The following NFATC2IP variants were observed in gnomAD, a reference collection of about 807,000 sequenced individuals.
NFATC2IP encodes the protein NFATC2-interacting protein.
In NFATC2IP, 25 loss-of-function variants were observed where a neutral mutation model predicts 40.2. That is an observed-to-expected ratio of 0.62 (90% CI 0.45 to 0.87). The LOEUF (loss-of-function observed/expected upper bound fraction) is 0.87. NFATC2IP is among the 40% of genes least tolerant of loss of function. The pLI, the probability that NFATC2IP is intolerant of heterozygous loss-of-function variation, is 0.00. For synonymous variants in NFATC2IP, 241 were observed against 236.3 expected (o/e 1.02, Z -0.18); for missense variants, 553 against 555.6 (o/e 1.00, Z 0.05).
rs765524608 is a variant in NFATC2IP at position 28,963,722 on chromosome 16, C to T, written c.1119C>T (p.Thr373=). The T allele has an allele frequency of 3.7e-6, 6 of 1,614,084 alleles. No individual in the cohort carries two copies. The highest frequency in any genetic ancestry group is 5.1e-6 in the Non-Finnish European group (6 of 1,179,934). The change falls in exon 8 of 8, where the codon ACC becomes ACT. Residue 373 remains threonine, a synonymous_variant. Transcript: ENST00000320805. The part of the protein sequence containing the change: ...VSLSRDSPLK[T]LMSHYEEAMG... ...CCATCCAGGATTCCCCTCTAAAGACCCTCATGTCCCACTATGAGGAGGCCA... is the reference window on the plus strand; with the variant it reads ...CCATCCAGGATTCCCCTCTAAAGACTCTCATGTCCCACTATGAGGAGGCCA...
intron 2 of NFATC2IP, among the ~76,000 whole-genome samples, chr16:28,952,813 GCTCGCTGCAAC>G (rs1336485926): frequency 1.3e-5 from 2 of 151,460 alleles, no homozygotes; most frequent in African/African-American, 4.9e-5. Flanking sequence ...CACGATCTCG[GCTCGCTGCAAC>G]CTCCACCTCC....
chr16:28,963,887 C>T lies in NFATC2IP; in HGVS notation c.*24C>T. On this transcript the variant is annotated 3_prime_UTR_variant, in exon 8 of 8. Coordinates refer to ENST00000320805, the MANE Select transcript of NFATC2IP (RefSeq NM_032815.4). ...GACACCCCACTCCCTGTTTGACGGC[C>T]CAGCCTGGACTTGGGGAGAATGACT... The T allele has an allele frequency of 1.9e-6, 3 of 1,611,582 alleles. No homozygotes were observed. Among genetic ancestry groups the T allele is most frequent in the Non-Finnish European group, 2.5e-6 (3 of 1,177,970 alleles).
At chr16:28,952,314 G>A (rs1482368004) in intron 2 of NFATC2IP, 110 bp downstream of exon 2, 3 of 1,522,742 alleles carry the variant, frequency 2.0e-6, no homozygotes, top group East Asian at 2.3e-5. Context: ...AGGGAAGAGC[G>A]TGGGAGAGGG....
chr16:28,963,240 G>A (rs1181754482), intron 7 of NFATC2IP, among the ~76,000 whole-genome samples: 1 of 152,166 alleles, frequency 6.6e-6, no homozygotes, highest in African/African-American at 2.4e-5. Flanking sequence ...ACTTAACAGG[G>A]GTTAAGACCA....
At position 28,966,575 on chromosome 16, in the gene NFATC2IP, C is replaced by T. The variant is rs1443747869; in HGVS notation, c.*2712C>T. On this transcript the variant is annotated 3_prime_UTR_variant, in exon 8 of 8. Transcript: ENST00000320805. ...GGAATTCAAGACTGAAACCTTGTCT[C>T]TACTGAAAATACAAAAAAAAAAAAA... is the stretch of plus-strand genomic sequence containing the variant. 3.2e-5 allele frequency: 4 copies of T among 123,952 alleles called. No homozygotes were observed. Among genetic ancestry groups the T allele is most frequent in the Admixed American group, 9.5e-5 (1 of 10,566 alleles). The allele number at this position is 123,952 out of a possible 1,614,324, so 7.7% of individuals were successfully genotyped here.
At chr16:28,951,475 G>C in intron 1 of NFATC2IP, 77 bp downstream of exon 1, 1 of 1,331,592 alleles carries the variant, frequency 7.5e-7, no homozygotes, top group Non-Finnish European at 9.6e-7. Flanking sequence ...CGTTCGGGGA[G>C]GGTAGGGCTA....
rs1342136432 is a variant in NFATC2IP, at chr16:28,965,716, A to G, written c.*1853A>G. On this transcript the variant is annotated 3_prime_UTR_variant, in exon 8 of 8. Coordinates refer to ENST00000320805, the MANE Select transcript of NFATC2IP (RefSeq NM_032815.4). Reference sequence around the variant, plus strand: ...AAAAAAAAGATTTAAAGGGGAAAAAATTGAAATTTTCTTTGTATCTAGGGG... The same window carrying G: ...AAAAAAAAGATTTAAAGGGGAAAAAGTTGAAATTTTCTTTGTATCTAGGGG... The G allele has an allele frequency of 6.6e-6, 1 of 152,062 alleles. No homozygotes were observed. The highest frequency in any genetic ancestry group is 1.5e-5 in the Non-Finnish European group (1 of 68,036). 9.4% of individuals were successfully genotyped at this position (152,062 alleles called of 1,614,324 possible).
intron 5 of NFATC2IP, chr16:28,956,921 C>G (rs1299414017): frequency 6.5e-6 from 1 of 152,684 alleles, no homozygotes; most frequent in Non-Finnish European, 1.5e-5. Flanking sequence ...ATTACTGATG[C>G]ACAGTGCATC....
chr16:28,960,521 A>G (rs929591988), intron 7 of NFATC2IP, among the ~76,000 whole-genome samples: 1 of 152,180 alleles, frequency 6.6e-6, no homozygotes, highest in Non-Finnish European at 1.5e-5. Context: ...GGTATGGTCC[A>G]TTCTGGGACA....
At chr16:28,951,779 C>G (rs1964970023) in intron 1 of NFATC2IP, among the ~76,000 whole-genome samples, 1 of 151,848 alleles carries the variant, frequency 6.6e-6, no homozygotes. Context: ...GGGGTCCATG[C>G]GGGTTCAGAG....
In NFATC2IP at chr16:28,958,326, A is replaced by G. The variant is rs563275349; in HGVS notation, c.847-391A>G. ...AGCTGAGATTGCGCCACTACACTCC[A>G]TCCTGGTTAACAAGAGCGAAACTCC... On this transcript the variant is annotated intron_variant, in intron 5 of 7. Transcript: ENST00000320805. The G allele has an allele frequency of 1.1e-4, 18 of 157,988 alleles. No individual in the cohort carries two copies. In the East Asian group the frequency reaches 3.4e-3, roughly 30 times the overall value. The allele number at this position is 157,988 out of a possible 1,614,324, so 9.8% of individuals were successfully genotyped here. A position where few individuals can be genotyped will look rare whatever the true frequency, so the allele number is the denominator to read the frequency against.
chr16:28,956,067 T>C lies in NFATC2IP; in HGVS notation c.659+9T>C. The C allele has an allele frequency of 6.2e-7, 1 of 1,613,892 alleles. No homozygotes were observed. The highest frequency in any genetic ancestry group is 8.5e-7 in the Non-Finnish European group (1 of 1,179,796). On this transcript the variant is annotated intron_variant, in intron 4 of 7. Transcript: ENST00000320805. Reference sequence around the variant, plus strand: ...GCACTCAAGAAGTTAAGGTGCCAAGTGCAGGGGCTCTGGCTGGGATGGAAG... The same window carrying C: ...GCACTCAAGAAGTTAAGGTGCCAAGCGCAGGGGCTCTGGCTGGGATGGAAG...
rs535255472 is a variant in NFATC2IP at position 28,953,851 on chromosome 16, G to A, written c.461-714G>A. 5.0e-3 allele frequency among the ~76,000 whole-genome samples: 767 copies of A among 151,978 alleles called. 6 individuals are homozygous for A. Among genetic ancestry groups the A allele is most frequent in the Non-Finnish European group, 7.9e-3 (539 of 67,962 alleles). On this transcript the variant is annotated intron_variant, in intron 2 of 7. Transcript: ENST00000320805. Reference sequence around the variant, plus strand: ...GAGAAACACCTGAGCCCAGGAAGTCGAGGCTGCAGTGAGCCATGATCATGC... The same window carrying A: ...GAGAAACACCTGAGCCCAGGAAGTCAAGGCTGCAGTGAGCCATGATCATGC...
Position 28,965,634 on chromosome 16 carries a change from A to C in NFATC2IP, c.*1771A>C, listed in dbSNP as rs1310980982. 1 of 152,098 alleles carries C rather than the reference A, an allele frequency of 6.6e-6. No individual in the cohort carries two copies. The highest frequency in any genetic ancestry group is 1.5e-5 in the Non-Finnish European group (1 of 68,056). The allele number at this position is 152,098 out of a possible 1,614,324, so 9.4% of individuals were successfully genotyped here. A position where few individuals can be genotyped will look rare whatever the true frequency, so the allele number is the denominator to read the frequency against. The stretch of plus-strand genomic sequence containing the variant: ...CTTAAACCCAGGAGGCGGAGATTGC[A>C]GTGAGCCAAGGTTCCACCACTGCAC... On this transcript the variant is annotated 3_prime_UTR_variant, in exon 8 of 8. Transcript: ENST00000320805.
rs539703466 is a variant in NFATC2IP, at chr16:28,966,514, T to C, written c.*2651T>C. The C allele has an allele frequency of 2.0e-5, 3 of 147,546 alleles. No individual in the cohort carries two copies. The East Asian group carries it at 5.9e-4, about 29-fold the overall frequency. The allele number at this position is 147,546 out of a possible 1,614,324, so 9.1% of individuals were successfully genotyped here. On this transcript the variant is annotated 3_prime_UTR_variant, in exon 8 of 8. Coordinates refer to ENST00000320805, the MANE Select transcript of NFATC2IP (RefSeq NM_032815.4). ...TTTCTCATGCCTGTAATCCCAGAAC[T>C]TTGGGAGGCTGAGGCAGGTGGATCA...
Position 28,951,269 on chromosome 16 carries a change from T to C in NFATC2IP, c.258T>C (p.Asp86=). ...CCCCGGGGCCGGTCGCGTCCCGGGATAACAGCAACAGTGACAGCGAAGGGG... is the reference window on the plus strand; with the variant it reads ...CCCCGGGGCCGGTCGCGTCCCGGGACAACAGCAACAGTGACAGCGAAGGGG... ...PEPPGPVASR[D]NSNSDSEGED... The change falls in exon 1 of 8, where the codon GAT becomes GAC. Residue 86 remains aspartate, a synonymous_variant. Transcript: ENST00000320805. 3 of 1,477,568 alleles carry C rather than the reference T, an allele frequency of 2.0e-6. No individual in the cohort carries two copies. The South Asian group carries it at 4.0e-5, about 20-fold the overall frequency. 91.5% of individuals were successfully genotyped at this position (1,477,568 alleles called of 1,614,324 possible). A position where few individuals can be genotyped will look rare whatever the true frequency, so the allele number is the denominator to read the frequency against.
At chr16:28,955,186 C>G (rs1596728196) in intron 3 of NFATC2IP, among the ~76,000 whole-genome samples, 1 of 151,898 alleles carries the variant, frequency 6.6e-6, no homozygotes, top group Non-Finnish European at 1.5e-5. Context: ...AGAGTGAGAC[C>G]CTGTCTCTAA....
intron 7 of NFATC2IP, 55 bp downstream of exon 7, chr16:28,959,155 G>A: frequency 1.8e-6 from 2 of 1,082,434 alleles, no homozygotes; most frequent in Non-Finnish European, 1.4e-6. Flanking sequence ...GCTGCCTCTT[G>A]TCTCTCTTGT....
intron 7 of NFATC2IP, among the ~76,000 whole-genome samples, chr16:28,960,584 T>C (rs1965074519): frequency 6.6e-6 from 1 of 152,158 alleles, no homozygotes; most frequent in African/African-American, 2.4e-5. Flanking sequence ...AAATAAGTTA[T>C]TTGCTTCTAA....
Sources: allele counts gnomAD v4.1 joint callset (sites outside exome capture counted in the v4.1 genomes callset), GRCh38; gene constraint gnomAD v4.1.1; transcripts MANE v1.5; gene names NCBI Gene and HGNC (gene_info 2026-07-23, HGNC 2026-07-21).